EGF: variants seen among roughly 807,000 people sequenced by gnomAD.
EGF encodes the protein epidermal growth factor.
A neutral mutation model predicts 143.8 loss-of-function variants in EGF; 95 were observed. The observed-to-expected ratio is 0.66, with a 90% CI of 0.56 to 0.78. The LOEUF (loss-of-function observed/expected upper bound fraction) is 0.78. EGF is among the 30% of genes least tolerant of loss of function. The pLI, the probability that EGF is intolerant of heterozygous loss-of-function variation, is 0.00. For missense variants in EGF, 1,320 were observed against 1,470.9 expected, an observed-to-expected ratio of 0.90 and a Z score of 1.68; for synonymous variants, 510 against 510.5, an observed-to-expected ratio of 1.00 and a Z score of 0.01.
intron 1 of EGF, among the ~76,000 whole-genome samples, chr4:109,935,088 A>C (rs531302481): frequency 1.3e-5 from 2 of 152,256 alleles, no homozygotes; most frequent in African/African-American, 4.8e-5. Context: ...GTTTTTTCCA[A>C]TTCTGTGAAG....
chr4:109,994,131 C>T (rs905346837), intron 19 of EGF, among the ~76,000 whole-genome samples: 2 of 151,802 alleles, frequency 1.3e-5, no homozygotes, highest in African/African-American at 4.8e-5. Context: ...ACATGTTTAC[C>T]TTTTAAGGAG....
Position 109,983,556 on chromosome 4 carries a change from T to C in EGF, c.2491+15T>C. ...CATGGTGTCAGGTATGAATAACTAG[T>C]TCTCCAATATACCTTTGGTTCCAAC... On this transcript the variant is annotated intron_variant, in intron 16 of 23. Transcript: ENST00000265171. The C allele has an allele frequency of 6.2e-7, 1 of 1,613,376 alleles. No homozygotes were observed. The highest frequency in any genetic ancestry group is 8.5e-7 in the Non-Finnish European group (1 of 1,179,588).
At chr4:109,954,435 A>T (rs1219335430) in intron 5 of EGF, among the ~76,000 whole-genome samples, 1 of 152,216 alleles carries the variant, frequency 6.6e-6, no homozygotes, top group East Asian at 1.9e-4. Flanking sequence ...ATATGATACC[A>T]AGTGGCTAAA....
intron 1 of EGF, among the ~76,000 whole-genome samples, chr4:109,938,687 C>T (rs1221839800): frequency 3.3e-5 from 5 of 152,172 alleles, no homozygotes; most frequent in Admixed American, 6.5e-5. Context: ...TGGTGACCTA[C>T]GGATGGGGTT....
chr4:109,964,671 T>C (rs1394916742), intron 10 of EGF, 134 bp downstream of exon 10: 2 of 1,302,928 alleles, frequency 1.5e-6, no homozygotes, highest in African/African-American at 3.0e-5. Flanking sequence ...ACAAGTTAAA[T>C]ATAGATATTG....
At chr4:109,984,108 T>A (rs1041520118) in intron 16 of EGF, among the ~76,000 whole-genome samples, 1 of 152,240 alleles carries the variant, frequency 6.6e-6, no homozygotes, top group African/African-American at 2.4e-5. Flanking sequence ...TTTTTCCAGC[T>A]GGGTTCAGCT....
chr4:109,986,053 C>T (rs1453709034), intron 16 of EGF, among the ~76,000 whole-genome samples: 1 of 152,004 alleles, frequency 6.6e-6, no homozygotes, highest in Admixed American at 6.6e-5. Flanking sequence ...GAAAAATAGA[C>T]CTGGCAGAAA....
At chr4:109,974,837 C>G (rs372176042) in intron 12 of EGF, 30 bp downstream of exon 12, 3 of 1,541,966 alleles carry the variant, frequency 1.9e-6, no homozygotes, top group African/African-American at 1.4e-5. Flanking sequence ...AGGCACTGCT[C>G]TGCAGAGGTC....
At position 109,913,321 on chromosome 4, in the gene EGF, A is replaced by G. The variant is rs1341687788; in HGVS notation, c.-15A>G. 1 of 1,613,396 alleles carries G rather than the reference A, an allele frequency of 6.2e-7. No homozygotes were observed. Among genetic ancestry groups the G allele is most frequent in the Non-Finnish European group, 8.5e-7 (1 of 1,179,640 alleles). ...TCAAGCTGTTTTCTTTTGAAAGTTC[A>G]AACTCATCAAGATTATGCTGCTCAC... On this transcript the variant is annotated 5_prime_UTR_variant, in exon 1 of 24. Coordinates refer to ENST00000265171, the MANE Select transcript of EGF (RefSeq NM_001963.6).
At chr4:109,961,412 A>G (rs1745676162) in intron 7 of EGF, among the ~76,000 whole-genome samples, 1 of 152,194 alleles carries the variant, frequency 6.6e-6, no homozygotes, top group African/African-American at 2.4e-5. Context: ...CTATCAAATC[A>G]GAACCTCTCA....
At chr4:109,916,459 C>A (rs555593317) in intron 1 of EGF, among the ~76,000 whole-genome samples, 1 of 151,970 alleles carries the variant, frequency 6.6e-6, no homozygotes, top group African/African-American at 2.4e-5. Flanking sequence ...ATTTTCCTTA[C>A]CCTAAAATGA....
At chr4:109,953,324 A>G (rs1296506490) in intron 5 of EGF, among the ~76,000 whole-genome samples, 2 of 152,210 alleles carry the variant, frequency 1.3e-5, no homozygotes. Flanking sequence ...ATTGATTATC[A>G]TTGCCTGGAG....
At chr4:109,920,228 G>A (rs1026293902) in intron 1 of EGF, among the ~76,000 whole-genome samples, 20 of 151,590 alleles carry the variant, frequency 1.3e-4, no homozygotes, top group Admixed American at 4.6e-4. Context: ...GAGGAAACTC[G>A]GAGAACCTAG....
At chr4:109,925,338 A>T (rs1174438290) in intron 1 of EGF, among the ~76,000 whole-genome samples, 1 of 152,264 alleles carries the variant, frequency 6.6e-6, no homozygotes, top group East Asian at 1.9e-4. Flanking sequence ...ATGGAAGTAA[A>T]GGTGTTTCTA....
rs1408703133 is a variant in EGF at position 109,945,354 on chromosome 4, TTGTA to T, written c.940+80_940+83del. The T allele has an allele frequency of 3.3e-5, 48 of 1,446,082 alleles. No homozygotes were observed. The African/African-American group carries it at 5.4e-4, about 16-fold the overall frequency. The allele number at this position is 1,446,082 out of a possible 1,614,324, so 89.6% of individuals were successfully genotyped here. On this transcript the variant is annotated intron_variant, in intron 5 of 23. Coordinates refer to ENST00000265171, the MANE Select transcript of EGF (RefSeq NM_001963.6). ...CCTGCTTGAGCCAGACAATGAGGCG[TTGTA>T]GGGGAAAAAAAATTTTTTTCTTCAA...
At position 110,012,773 on chromosome 4, in the gene EGF, C is replaced by T. The variant is rs1414720044; in HGVS notation, c.*1318C>T. On this transcript the variant is annotated 3_prime_UTR_variant, in exon 24 of 24. Coordinates refer to ENST00000265171, the MANE Select transcript of EGF (RefSeq NM_001963.6). ...GTAGATTAAAATTTCACATGGTGTTCTAATTAAATATTTTTCTTGCAGCCA... is the reference window on the plus strand; with the variant it reads ...GTAGATTAAAATTTCACATGGTGTTTTAATTAAATATTTTTCTTGCAGCCA... 1.3e-5 allele frequency among the ~76,000 whole-genome samples: 2 copies of T among 152,108 alleles called. No homozygotes were observed. The highest frequency in any genetic ancestry group is 4.8e-5 in the African/African-American group (2 of 41,418).
chr4:109,938,063 T>G (rs1741172318), intron 1 of EGF, among the ~76,000 whole-genome samples: 1 of 152,230 alleles, frequency 6.6e-6, no homozygotes, highest in African/African-American at 2.4e-5. Flanking sequence ...TTGGCCTGCC[T>G]TGCTAGGTTG....
intron 1 of EGF, among the ~76,000 whole-genome samples, chr4:109,917,461 G>T (rs1468827211): frequency 6.6e-6 from 1 of 151,558 alleles, no homozygotes; most frequent in South Asian, 2.1e-4. Flanking sequence ...TGGGTAGTAT[G>T]GTTGGTTGGA....
At chr4:110,002,310 G>A (rs1221323959) in intron 21 of EGF, among the ~76,000 whole-genome samples, 1 of 152,030 alleles carries the variant, frequency 6.6e-6, no homozygotes, top group Non-Finnish European at 1.5e-5. Context: ...TGGGCACCAT[G>A]GCAAAACCCT....
Sources: gnomAD v4.1 joint callset for allele counts (sites outside exome capture counted in the v4.1 genomes callset) on GRCh38, gnomAD v4.1.1 for gene constraint, MANE v1.5 for transcripts, NCBI Gene and HGNC (gene_info 2026-07-23, HGNC 2026-07-21) for gene names.